CACNG1: variants seen among roughly 807,000 people sequenced by gnomAD.
CACNG1 encodes voltage-dependent calcium channel gamma-1 subunit.
Under a neutral mutation model 22.0 loss-of-function variants are expected in CACNG1, and 21 were observed. The ratio of observed to expected loss-of-function variants is 0.95; its 90% confidence interval spans 0.68 to 1.37. The LOEUF (loss-of-function observed/expected upper bound fraction) is 1.37, where lower values mean the gene tolerates loss of function less well. CACNG1 is among the 40% of genes most tolerant of loss of function. The pLI is 0.00. For synonymous variants in CACNG1, 127 were observed against 129.2 expected, an observed-to-expected ratio of 0.98 and a Z score of 0.12; for missense variants, 291 against 308.6, an observed-to-expected ratio of 0.94 and a Z score of 0.43.
chr17:67,055,236 T>C lies in CACNG1; in HGVS notation c.438T>C (p.Phe146=), dbSNP rs112631391. 39 of 1,612,572 alleles carry C rather than the reference T, an allele frequency of 2.4e-5. No homozygotes were observed. The African/African-American group carries it at 5.1e-4, about 21-fold the overall frequency. The change falls in exon 3 of 4, where the codon TTT becomes TTC. Residue 146 remains phenylalanine, a synonymous_variant. Coordinates refer to ENST00000226021, the MANE Select transcript of CACNG1 (RefSeq NM_000727.4). This position sits in a 1 kb window ranked among gnomAD's most constrained non-coding sequence, Gnocchi z 4.5. ...GACCCGCGTCCATGTTCTATGCCTT[T>C]GCAGGTAGACTGGGGGATCTGCCTG... ...LLRPASMFYA[F]AGLCILVSVE... is the part of the protein sequence containing the mutation.
chr17:67,047,201 T>C (rs1332446611), intron 1 of CACNG1, among the ~76,000 whole-genome samples: 1 of 152,098 alleles, frequency 6.6e-6, no homozygotes, highest in Non-Finnish European at 1.5e-5. Context: ...ATATTAACTT[T>C]GAAAGACATC....
rs531357766 is a variant in CACNG1 at position 67,054,283 on chromosome 17, G to T, written c.304+213G>T. On this transcript the variant is annotated intron_variant, in intron 2 of 3. Transcript: ENST00000226021. The surrounding 1 kb of genome is among the most constrained non-coding windows in gnomAD (Gnocchi z 4.6). ...CCAGGGCCCGGAGCTTCCACACCTC[G>T]GGGCCAGGGAGCGTTTGCAGAAGCA... 6.6e-6 allele frequency among the ~76,000 whole-genome samples: 1 copy of T among 152,202 alleles called. No homozygotes were observed. The highest frequency in any genetic ancestry group is 1.5e-5 in the Non-Finnish European group (1 of 68,042).
At chr17:67,046,655 TGGGCAGGGCA>T (rs532746796) in intron 1 of CACNG1, among the ~76,000 whole-genome samples, 6 of 151,936 alleles carry the variant, frequency 3.9e-5, no homozygotes, top group South Asian at 4.2e-4. Context: ...CCAACTCCCC[TGGGCAGGGCA>T]GGGCAGGGCA....
At position 67,052,779 on chromosome 17, in the gene CACNG1, C is replaced by T. The variant is rs977447106; in HGVS notation, c.230-1217C>T. Among the ~76,000 whole-genome samples, 14 of 143,472 alleles carry T rather than the reference C, an allele frequency of 9.8e-5. 1 individual carries two copies. Among genetic ancestry groups the T allele is most frequent in the African/African-American group, 3.3e-4 (13 of 39,316 alleles). 94.1% of individuals were successfully genotyped at this position (143,472 alleles called of 152,430 possible). A position where few individuals can be genotyped will look rare whatever the true frequency, so the allele number is the denominator to read the frequency against. The stretch of plus-strand genomic sequence containing the variant: ...GTATTTAGCAAGAAATAAGACTGTG[C>T]TTTTTTTTTTTTTGAGACAGAGTCC... On this transcript the variant is annotated intron_variant, in intron 1 of 3. Transcript: ENST00000226021.
At position 67,055,000 on chromosome 17, in the gene CACNG1, C is replaced by T. The variant is rs1353927572; in HGVS notation, c.305-103C>T. ...CTTGACACACACACAATGACACACA[C>T]AGACACTGACACACACACTGTGGTG... On this transcript the variant is annotated intron_variant, in intron 2 of 3. Transcript: ENST00000226021. This position sits in a 1 kb window ranked among gnomAD's most constrained non-coding sequence, Gnocchi z 4.6. The T allele has an allele frequency of 8.2e-7, 1 of 1,217,022 alleles. No homozygotes were observed. Among genetic ancestry groups the T allele is most frequent in the Admixed American group, 2.1e-5 (1 of 48,172 alleles). 75.4% of individuals were successfully genotyped at this position (1,217,022 alleles called of 1,614,324 possible).
At chr17:67,046,360 T>A (rs947014653) in intron 1 of CACNG1, among the ~76,000 whole-genome samples, 1 of 152,124 alleles carries the variant, frequency 6.6e-6, no homozygotes, top group Non-Finnish European at 1.5e-5. Context: ...TAGGGCTAAG[T>A]CCCCAAAGAT....
Position 67,055,330 on chromosome 17 carries a change from G to C in CACNG1, c.442+90G>C, listed in dbSNP as rs539674475. ...CACCCTCATGCCCACCGCGAGATTT[G>C]GGTGAGGGGCATTTCCCAGGCTCCA... On this transcript the variant is annotated intron_variant, in intron 3 of 3. Transcript: ENST00000226021. The surrounding 1 kb of genome is among the most constrained non-coding windows in gnomAD (Gnocchi z 4.5). 2.0e-3 allele frequency: 2,920 copies of C among 1,437,756 alleles called. 6 individuals carry two copies. Among genetic ancestry groups the C allele is most frequent in the Non-Finnish European group, 2.2e-3 (2,287 of 1,060,386 alleles). 89.1% of individuals were successfully genotyped at this position (1,437,756 alleles called of 1,614,324 possible).
chr17:67,046,666 G>T (rs2035699154), intron 1 of CACNG1, among the ~76,000 whole-genome samples: 1 of 152,096 alleles, frequency 6.6e-6, no homozygotes, highest in Non-Finnish European at 1.5e-5. Flanking sequence ...GGGCAGGGCA[G>T]GGCAGGGCAG....
In CACNG1 at chr17:67,054,769, GAC is replaced by G. The variant is rs564458572; in HGVS notation, c.305-328_305-327del. ...ACACATGCATGATGACACACAAAAT[GAC>G]ACACAGTGACACACACAGACACACA... On this transcript the variant is annotated intron_variant, in intron 2 of 3. Coordinates refer to ENST00000226021, the MANE Select transcript of CACNG1 (RefSeq NM_000727.4). The surrounding 1 kb of genome is among the most constrained non-coding windows in gnomAD (Gnocchi z 4.6). 5.4e-4 allele frequency among the ~76,000 whole-genome samples: 81 copies of G among 149,684 alleles called. No individual in the cohort carries two copies. The highest frequency in any genetic ancestry group is 1.8e-3 in the East Asian group (9 of 5,036).
rs1598141281 is a variant in CACNG1, at chr17:67,054,134, G to A, written c.304+64G>A. 7.6e-7 allele frequency: 1 copy of A among 1,316,392 alleles called. No individual in the cohort carries two copies. The highest frequency in any genetic ancestry group is 1.1e-6 in the Non-Finnish European group (1 of 909,306). The allele number at this position is 1,316,392 out of a possible 1,614,324, so 81.5% of individuals were successfully genotyped here. ...GGACTTCTGTGTTGTGCACCACTGG[G>A]CCAGAAAGTCATTGGCAAAAGCACT... On this transcript the variant is annotated intron_variant, in intron 2 of 3. Transcript: ENST00000226021. The surrounding 1 kb of genome is among the most constrained non-coding windows in gnomAD (Gnocchi z 4.6).
rs766706963 is a variant in CACNG1, at chr17:67,055,099, G to A, written c.305-4G>A. On this transcript the variant is annotated splice_region_variant and splice_polypyrimidine_tract_variant and intron_variant, in intron 2 of 3. Coordinates refer to ENST00000226021, the MANE Select transcript of CACNG1 (RefSeq NM_000727.4). This position sits in a 1 kb window ranked among gnomAD's most constrained non-coding sequence, Gnocchi z 4.5. The stretch of plus-strand genomic sequence containing the variant: ...CGCATGCTGGGTGTCCCTTGTGTTT[G>A]CAGAGTACAGCATCTCGGCAGCCGC... 1.9e-6 allele frequency: 3 copies of A among 1,612,678 alleles called. No individual in the cohort carries two copies. In the Admixed American group the frequency reaches 5.0e-5, roughly 27 times the overall value.
At chr17:67,051,790 G>A (rs2035729952) in intron 1 of CACNG1, among the ~76,000 whole-genome samples, 1 of 152,250 alleles carries the variant, frequency 6.6e-6, no homozygotes, top group South Asian at 2.1e-4. Flanking sequence ...GCGTTTATCT[G>A]GTGGGGATTT....
chr17:67,053,261 CG>C (rs1056043585), intron 1 of CACNG1, among the ~76,000 whole-genome samples: 1 of 152,192 alleles, frequency 6.6e-6, no homozygotes, highest in African/African-American at 2.4e-5. Flanking sequence ...AATGGCCACT[CG>C]GAAAAAGCCC....
In CACNG1 at chr17:67,056,256, T is replaced by C. The variant is rs762527259; in HGVS notation, c.654T>C (p.Ala218=). The C allele has an allele frequency of 5.0e-6, 8 of 1,613,844 alleles. No homozygotes were observed. Among genetic ancestry groups the C allele is most frequent in the African/African-American group, 1.3e-5 (1 of 74,918 alleles). Residue 218 remains alanine (A), a synonymous_variant, in exon 4 of 4, where the codon GCT becomes GCC. Transcript: ENST00000226021. The surrounding 1 kb of genome is among the most constrained non-coding windows in gnomAD (Gnocchi z 4.3). ...PRNPWESCMD[A]EPEH is the part of the protein sequence containing the mutation. Reference sequence around the variant, plus strand: ...ACCCATGGGAGTCCTGCATGGATGCTGAGCCCGAGCACTAACCCTCCTGCG... The same window carrying C: ...ACCCATGGGAGTCCTGCATGGATGCCGAGCCCGAGCACTAACCCTCCTGCG...
At chr17:67,049,423 C>T (rs2035715332) in intron 1 of CACNG1, among the ~76,000 whole-genome samples, 1 of 152,140 alleles carries the variant, frequency 6.6e-6, no homozygotes, top group African/African-American at 2.4e-5. Flanking sequence ...ACACTCAGAC[C>T]CTAACATTCA....
rs915060155 is a variant in CACNG1 at position 67,047,910 on chromosome 17, G to T, written c.229+3021G>T. On this transcript the variant is annotated intron_variant, in intron 1 of 3. Transcript: ENST00000226021. ...GACTCTGTTCAAGCAGGAAGTGAAG[G>T]CTAAGGCAGAGATGTGGGTGGCTTA... is the stretch of plus-strand genomic sequence containing the variant. Among the ~76,000 whole-genome samples the T allele has an allele frequency of 1.3e-5, 2 of 152,136 alleles. 1 individual carries two copies. The highest frequency in any genetic ancestry group is 1.3e-4 in the Admixed American group (2 of 15,270).
At chr17:67,053,552 G>A (rs2035740189) in intron 1 of CACNG1, among the ~76,000 whole-genome samples, 1 of 152,238 alleles carries the variant, frequency 6.6e-6, no homozygotes, top group South Asian at 2.1e-4. Flanking sequence ...CCGGCTGGGT[G>A]CCAGGTGTAC....
rs114729410 is a variant in CACNG1 at position 67,051,910 on chromosome 17, G to C, written c.230-2086G>C. ...GCCCTCATCTCAGGGCCCTCCGCTG[G>C]GAAGGATTTTAACTTATGGCTTTTG... On this transcript the variant is annotated intron_variant, in intron 1 of 3. Transcript: ENST00000226021. Among the ~76,000 whole-genome samples, 756 of 152,332 alleles carry C rather than the reference G, an allele frequency of 5.0e-3. 7 individuals are homozygous for C. Among genetic ancestry groups the C allele is most frequent in the African/African-American group, 0.016 (673 of 41,574 alleles).
Position 67,055,328 on chromosome 17 carries a change from T to G in CACNG1, c.442+88T>G, listed in dbSNP as rs2035755359. The G allele has an allele frequency of 2.4e-5, 35 of 1,450,150 alleles. No individual in the cohort carries two copies. In the South Asian group the frequency reaches 4.3e-4, roughly 18 times the overall value. 89.8% of individuals were successfully genotyped at this position (1,450,150 alleles called of 1,614,324 possible). On this transcript the variant is annotated intron_variant, in intron 3 of 3. Transcript: ENST00000226021. This position sits in a 1 kb window ranked among gnomAD's most constrained non-coding sequence, Gnocchi z 4.5. ...TCCACCCTCATGCCCACCGCGAGATTTGGGTGAGGGGCATTTCCCAGGCTC... is the reference window on the plus strand; with the variant it reads ...TCCACCCTCATGCCCACCGCGAGATGTGGGTGAGGGGCATTTCCCAGGCTC...
Sources: allele counts gnomAD v4.1 joint callset (sites outside exome capture counted in the v4.1 genomes callset), GRCh38; gene constraint gnomAD v4.1.1; non-coding constraint Gnocchi (gnomAD v3.1); transcripts MANE v1.5; gene names NCBI Gene and HGNC (gene_info 2026-07-23, HGNC 2026-07-21).